Variants in SLC13A4 observed in about 807,000 individuals in gnomAD.
The protein encoded by SLC13A4 is Na(+)/sulfate cotransporter SUT-1.
In SLC13A4, 28 loss-of-function variants were observed where a neutral mutation model predicts 72.7. The observed-to-expected ratio is 0.39, with a 90% CI of 0.29 to 0.53. The LOEUF (loss-of-function observed/expected upper bound fraction) is 0.53. SLC13A4 is among the 20% of genes least tolerant of loss of function. The pLI, the probability that SLC13A4 is intolerant of heterozygous loss-of-function variation, is 0.78. For missense variants in SLC13A4, 653 were observed against 788.0 expected (o/e 0.83, Z 2.05); for synonymous variants, 312 against 325.5 (o/e 0.96, Z 0.45).
Position 135,701,691 on chromosome 7 carries a change from G to A in SLC13A4, c.703C>T (p.His235Tyr), listed in dbSNP as rs764317827. 2.5e-6 allele frequency: 4 copies of A among 1,613,538 alleles called. No individual in the cohort carries two copies. Among genetic ancestry groups the A allele is most frequent in the Non-Finnish European group, 3.4e-6 (4 of 1,179,690 alleles). The change falls in exon 7 of 16, where the codon CAC becomes TAC. Residue 235 changes from histidine (H) to tyrosine (Y), a missense_variant. Physicochemically the swap from His to Tyr is moderately conservative, Grantham distance 83. Transcript: ENST00000682651. ...TANQHQGKKQ[H>Y]PSQEKPQVLT... ...GGCCGTTCTATTACCTGGGATGGGT[G>A]TTGCTTCTTGCCCTGGTGTTGGTTT...
intron 2 of SLC13A4, among the ~76,000 whole-genome samples, chr7:135,708,658 A>T (rs1796225179): frequency 6.6e-6 from 1 of 152,140 alleles, no homozygotes; most frequent in Non-Finnish European, 1.5e-5. Flanking sequence ...GTTTTTAGAA[A>T]ATATTAGAAA....
intron 7 of SLC13A4, 77 bp from the exon 8 acceptor site, chr7:135,699,625 A>G (rs1436919080): frequency 1.5e-6 from 2 of 1,346,042 alleles, no homozygotes; most frequent in Admixed American, 2.3e-5. Context: ...AGGAGGCACC[A>G]TGGTACAGCG....
At chr7:135,714,616 GC>G (rs1796372419) in intron 2 of SLC13A4, among the ~76,000 whole-genome samples, 1 of 152,226 alleles carries the variant, frequency 6.6e-6, no homozygotes, top group Non-Finnish European at 1.5e-5. Context: ...ATGCCCACGG[GC>G]CCGCATGCAG....
chr7:135,715,555 A>C (rs1796416412), intron 2 of SLC13A4, among the ~76,000 whole-genome samples: 1 of 151,954 alleles, frequency 6.6e-6, no homozygotes. Flanking sequence ...TGGGGAAAGG[A>C]TAGAGACAAA....
At chr7:135,708,588 A>G (rs1796223301) in intron 2 of SLC13A4, among the ~76,000 whole-genome samples, 1 of 152,244 alleles carries the variant, frequency 6.6e-6, no homozygotes, top group South Asian at 2.1e-4. Flanking sequence ...ATAAACACAT[A>G]TAATTTTATA....
chr7:135,683,654 G>C, intron 15 of SLC13A4: 1 of 985,406 alleles, frequency 1.0e-6, no homozygotes. Flanking sequence ...TGTTGCTTCA[G>C]GGGTTTCTTG....
intron 1 of SLC13A4, among the ~76,000 whole-genome samples, chr7:135,723,807 C>G (rs950537719): frequency 6.6e-6 from 1 of 151,960 alleles, no homozygotes; most frequent in Non-Finnish European, 1.5e-5. Context: ...GAACTGGGCC[C>G]AAAAGTTGAC....
At chr7:135,714,565 C>T (rs1322538377) in intron 2 of SLC13A4, among the ~76,000 whole-genome samples, 2 of 152,210 alleles carry the variant, frequency 1.3e-5, no homozygotes, top group African/African-American at 2.4e-5. Context: ...GTGAGGGCAG[C>T]CTGGGGTTCA....
At chr7:135,700,704 G>A (rs1165002035) in intron 7 of SLC13A4, among the ~76,000 whole-genome samples, 1 of 152,088 alleles carries the variant, frequency 6.6e-6, no homozygotes, top group Non-Finnish European at 1.5e-5. Context: ...GAGTGCAGTG[G>A]TGCCATCATA....
At chr7:135,693,100 CAAAAAAAAAA>C (rs776332933) in intron 10 of SLC13A4, 3 of 53,122 alleles carry the variant, frequency 5.6e-5, no homozygotes, top group South Asian at 9.6e-4. Context: ...GACTCCATCC[CAAAAAAAAAA>C]AAAAAAAAAA....
chr7:135,727,669 C>T lies in SLC13A4; in HGVS notation c.-173G>A. 1 of 745,946 alleles carries T rather than the reference C, an allele frequency of 1.3e-6. No homozygotes were observed. The highest frequency in any genetic ancestry group is 2.0e-6 in the Non-Finnish European group (1 of 488,056). 46.2% of individuals were successfully genotyped at this position (745,946 alleles called of 1,614,324 possible). Reference sequence around the variant, plus strand: ...GGCAGTTATACCCTCGCTGTTTCTACAAGAGGCTGGGCTCCTGGCCTCCTG... The same window carrying T: ...GGCAGTTATACCCTCGCTGTTTCTATAAGAGGCTGGGCTCCTGGCCTCCTG... On this transcript the variant is annotated 5_prime_UTR_variant, in exon 1 of 16. Transcript: ENST00000682651.
chr7:135,692,362 T>C lies in SLC13A4; in HGVS notation c.1184A>G (p.Glu395Gly). ...ATCCCAGCCAGGGACAAAGCCAGGC[T>C]CCCGGGTAAACCACAGTACGGTCAT... is the stretch of plus-strand genomic sequence containing the variant. Reference protein sequence around the residue: ...ILMTVLWFTREPGFVPGWDSF... With the variant: ...ILMTVLWFTRGPGFVPGWDSF... Residue 395 changes from glutamate (E) to glycine (G), a missense_variant, in exon 11 of 16, where the codon GAG becomes GGG. By Grantham distance (98) the Glu-to-Gly change is moderately conservative. Coordinates refer to ENST00000682651, the MANE Select transcript of SLC13A4 (RefSeq NM_001318192.2). 6.2e-7 allele frequency: 1 copy of C among 1,613,968 alleles called. No homozygotes were observed. The highest frequency in any genetic ancestry group is 1.7e-5 in the Admixed American group (1 of 59,974).
In SLC13A4 at chr7:135,694,320, G is replaced by A. The variant is rs575147196; in HGVS notation, c.1020-82C>T. The A allele has an allele frequency of 8.5e-4, 703 of 827,064 alleles. 13 individuals carry two copies. In the South Asian group the frequency reaches 9.9e-3, roughly 12 times the overall value. 51.2% of individuals were successfully genotyped at this position (827,064 alleles called of 1,614,324 possible). ...TCAAATATTAGGTAAATACTAAACCGCTTGCCTGCTGTGGTCACTTTTCTC... is the reference window on the plus strand; with the variant it reads ...TCAAATATTAGGTAAATACTAAACCACTTGCCTGCTGTGGTCACTTTTCTC... On this transcript the variant is annotated intron_variant, in intron 9 of 15. Transcript: ENST00000682651.
chr7:135,681,782 C>A, intron 15 of SLC13A4, 82 bp from the exon 16 acceptor site: 1 of 1,549,408 alleles, frequency 6.5e-7, no homozygotes, highest in Non-Finnish European at 8.7e-7. Flanking sequence ...GTTCCTGCAG[C>A]CTATGCCTTG....
rs151074830 is a variant in SLC13A4, at chr7:135,682,076, C to T, written c.1747-376G>A. Among the ~76,000 whole-genome samples the T allele has an allele frequency of 5.9e-5, 9 of 152,272 alleles. No individual in the cohort carries two copies. In the East Asian group the frequency reaches 1.7e-3, roughly 29 times the overall value. ...GCAGGAACTTCTCAGAGCCCCGATGCGTTAATACAGGGAACTTGTACGAGG... is the reference window on the plus strand; with the variant it reads ...GCAGGAACTTCTCAGAGCCCCGATGTGTTAATACAGGGAACTTGTACGAGG... On this transcript the variant is annotated intron_variant, in intron 15 of 15. Coordinates refer to ENST00000682651, the MANE Select transcript of SLC13A4 (RefSeq NM_001318192.2).
chr7:135,702,575 C>A, intron 6 of SLC13A4: 1 of 386,484 alleles, frequency 2.6e-6, no homozygotes. Context: ...GGGGTTTCAC[C>A]ATGTTGGCCA....
intron 2 of SLC13A4, among the ~76,000 whole-genome samples, chr7:135,713,940 C>G (rs1381272767): frequency 6.6e-6 from 1 of 152,216 alleles, no homozygotes; most frequent in Non-Finnish European, 1.5e-5. Flanking sequence ...CTGGCTCCCG[C>G]TCAGTGCTAA....
In SLC13A4 at chr7:135,692,314, A is replaced by T. The variant is rs774571727; in HGVS notation, c.1223+9T>A. ...GGGTTGTTCTTAAGGAGGAAATGAT[A>T]TCACTTACTTTTCAAAGAAAGAATC... On this transcript the variant is annotated intron_variant, in intron 11 of 15. Coordinates refer to ENST00000682651, the MANE Select transcript of SLC13A4 (RefSeq NM_001318192.2). 1.9e-6 allele frequency: 3 copies of T among 1,595,404 alleles called. No homozygotes were observed. The highest frequency in any genetic ancestry group is 2.6e-6 in the Non-Finnish European group (3 of 1,163,018).
In SLC13A4 at chr7:135,684,228, G is replaced by A; in HGVS notation, c.1642C>T (p.Leu548=). 2.5e-6 allele frequency: 4 copies of A among 1,611,982 alleles called. No homozygotes were observed. The highest frequency in any genetic ancestry group is 3.4e-6 in the Non-Finnish European group (4 of 1,178,830). The part of the protein sequence containing the change: ...ETLHINPLYT[L]IPVTMCISFA... ...GAGATGCACATGGTGACTGGGATCAGGGTGTAGAGGGGGTTAATGTGCAGC... is the reference window on the plus strand; with the variant it reads ...GAGATGCACATGGTGACTGGGATCAAGGTGTAGAGGGGGTTAATGTGCAGC... The change falls in exon 15 of 16, where the codon CTG becomes TTG. Residue 548 remains leucine (L), a synonymous_variant. Coordinates refer to ENST00000682651, the MANE Select transcript of SLC13A4 (RefSeq NM_001318192.2).
Sources: allele counts gnomAD v4.1 joint callset (sites outside exome capture counted in the v4.1 genomes callset), GRCh38; gene constraint gnomAD v4.1.1; transcripts MANE v1.5; gene names NCBI Gene and HGNC (gene_info 2026-07-23, HGNC 2026-07-21).